Variants in ARL13B observed in about 807,000 individuals in gnomAD.
The protein encoded by ARL13B is ARF like GTPase 13B, also known as ADP-ribosylation factor-like protein 13B.
Under a neutral mutation model 56.1 loss-of-function variants are expected in ARL13B, and 36 were observed. The ratio of observed to expected loss-of-function variants is 0.64; its 90% CI spans 0.49 to 0.85. The LOEUF (loss-of-function observed/expected upper bound fraction) is 0.85, where lower values mean the gene tolerates loss of function less well. Among genes scored for constraint, ARL13B ranks in the 40% least tolerant of loss-of-function variants. ARL13B has a pLI of 0.00. For missense variants in ARL13B, 519 were observed against 507.1 expected (o/e 1.02, Z -0.23); for synonymous variants, 178 against 171.1 (o/e 1.04, Z -0.32).
At chr3:94,009,102 T>TAGAC (rs2076180975) in intron 3 of ARL13B, among the ~76,000 whole-genome samples, 1 of 151,708 alleles carries the variant, frequency 6.6e-6, no homozygotes, top group Non-Finnish European at 1.5e-5. Context: ...GATAGATAGA[T>TAGAC]AGATAGATAG....
Position 93,980,349 on chromosome 3 carries a change from A to T in ARL13B, c.-75A>T. On this transcript the variant is annotated 5_prime_UTR_variant, in exon 1 of 10. Transcript: ENST00000394222. The stretch of plus-strand genomic sequence containing the variant: ...CTTTAGGGGCGTCTCGGAGTGCCGG[A>T]GGCCCCCGGGGAAGAGCGGGGTGCC... The T allele has an allele frequency of 1.3e-6, 2 of 1,582,310 alleles. No individual in the cohort carries two copies. The highest frequency in any genetic ancestry group is 1.7e-6 in the Non-Finnish European group (2 of 1,160,646).
At chr3:94,039,569 G>A (rs1284728538) in intron 5 of ARL13B, among the ~76,000 whole-genome samples, 1 of 151,288 alleles carries the variant, frequency 6.6e-6, no homozygotes, top group Admixed American at 6.6e-5. Context: ...CATTGATTTT[G>A]GAGGGTAATT....
At chr3:94,003,634 T>G (rs751297985) in intron 2 of ARL13B, 25 bp from the exon 3 acceptor site, 2 of 1,609,482 alleles carry the variant, frequency 1.2e-6, no homozygotes, top group South Asian at 2.2e-5. Flanking sequence ...AAAGATTTTC[T>G]TTTTTTGTGT....
At position 94,005,680 on chromosome 3, in the gene ARL13B, T is replaced by C. The variant is rs139848772; in HGVS notation, c.380+1772T>C. ...GACAGTGTAATATGTTTATGAAATA[T>C]AGAATCGTTTGCCATTTGACCAGAT... On this transcript the variant is annotated intron_variant, in intron 3 of 9. Transcript: ENST00000394222. Among the ~76,000 whole-genome samples, 483 of 152,338 alleles carry C rather than the reference T, an allele frequency of 3.2e-3. 3 individuals are homozygous for C. The highest frequency in any genetic ancestry group is 0.011 in the African/African-American group (450 of 41,588).
intron 7 of ARL13B, among the ~76,000 whole-genome samples, chr3:94,047,022 TTTC>T (rs1402421455): frequency 6.6e-6 from 1 of 152,158 alleles, no homozygotes; most frequent in African/African-American, 2.4e-5. Flanking sequence ...TTAGTCTTAG[TTTC>T]TTCATCTCTA....
At chr3:93,992,975 T>TG (rs1242445171) in intron 1 of ARL13B, among the ~76,000 whole-genome samples, 1 of 150,882 alleles carries the variant, frequency 6.6e-6, no homozygotes, top group African/African-American at 2.4e-5. Flanking sequence ...GTATTTTTTT[T>TG]TTTTTTTTTT....
chr3:93,993,084 AATG>A (rs2075904799), intron 1 of ARL13B, among the ~76,000 whole-genome samples: 1 of 145,846 alleles, frequency 6.9e-6, no homozygotes, highest in South Asian at 2.2e-4. Context: ...AGATTACAGG[AATG>A]AACCACCAGG....
chr3:93,985,729 C>T (rs1710432473), intron 1 of ARL13B, among the ~76,000 whole-genome samples: 2 of 152,062 alleles, frequency 1.3e-5, no homozygotes, highest in South Asian at 4.1e-4. Flanking sequence ...AAACTTCCTG[C>T]CCCCTATTCA....
intron 7 of ARL13B, among the ~76,000 whole-genome samples, chr3:94,045,266 A>G (rs1280820106): frequency 3.3e-5 from 5 of 152,018 alleles, no homozygotes; most frequent in African/African-American, 1.2e-4. Flanking sequence ...AAGAGTCGTC[A>G]CCACTCCCTA....
intron 1 of ARL13B, among the ~76,000 whole-genome samples, chr3:93,995,641 A>G (rs2075953594): frequency 6.6e-6 from 1 of 152,102 alleles, no homozygotes. Context: ...TATCTATTGT[A>G]GAGTTTTACT....
intron 3 of ARL13B, among the ~76,000 whole-genome samples, chr3:94,032,139 T>C (rs1576019508): frequency 6.6e-6 from 1 of 152,164 alleles, no homozygotes; most frequent in Non-Finnish European, 1.5e-5. Flanking sequence ...GCCTGCAGAA[T>C]GAGGGAAAAT....
At position 94,014,474 on chromosome 3, in the gene ARL13B, C is replaced by G. The variant is rs375093166; in HGVS notation, c.380+10566C>G. 5.6e-6 allele frequency: 9 copies of G among 1,607,394 alleles called. 1 individual carries two copies. The highest frequency in any genetic ancestry group is 7.6e-6 in the Non-Finnish European group (9 of 1,178,270). On this transcript the variant is annotated intron_variant, in intron 3 of 9. Transcript: ENST00000394222. ...TATTTTACAGCTAGTCCAAATTTCT[C>G]TTTAGTATTGTTAACATACTCTTTT... is the stretch of plus-strand genomic sequence containing the variant.
intron 2 of ARL13B, among the ~76,000 whole-genome samples, chr3:94,000,848 G>C (rs765611019): frequency 7.9e-5 from 12 of 152,128 alleles, no homozygotes; most frequent in Non-Finnish European, 1.2e-4. Flanking sequence ...CTCAATTGGA[G>C]ACCATGTATC....
chr3:94,014,362 G>GA, intron 3 of ARL13B: 1 of 1,506,704 alleles, frequency 6.6e-7, no homozygotes, highest in East Asian at 2.3e-5. Context: ...CGTAAAGCTG[G>GA]AAAAAGTTTT....
At chr3:94,011,124 A>G (rs2076217538) in intron 3 of ARL13B, among the ~76,000 whole-genome samples, 1 of 152,148 alleles carries the variant, frequency 6.6e-6, no homozygotes, top group African/African-American at 2.4e-5. Context: ...TTATAAATTA[A>G]AAATTATTTT....
chr3:94,049,996 C>CAA lies in ARL13B; in HGVS notation c.1141+491_1141+492dup, dbSNP rs532785971. ...TGAAACCCCGTCTCTACTAAAGATA[C>CAA]AAAAAAAAAAAAAAAAAATTAGCTG... On this transcript the variant is annotated intron_variant, in intron 8 of 9. Coordinates refer to ENST00000394222, the MANE Select transcript of ARL13B (RefSeq NM_001174150.2). Among the ~76,000 whole-genome samples, 73 of 64,422 alleles carry CAA rather than the reference C, an allele frequency of 1.1e-3. 1 individual carries two copies. The highest frequency in any genetic ancestry group is 4.3e-3 in the East Asian group (12 of 2,798). The allele number at this position is 64,422 out of a possible 152,430, so 42.3% of individuals were successfully genotyped here.
Position 94,036,573 on chromosome 3 carries a change from G to A in ARL13B, c.508G>A (p.Gly170Arg). The change falls in exon 5 of 10, where the codon GGG becomes AGG. Residue 170 changes from glycine to arginine, a missense_variant. Gly to Arg is a moderately radical substitution (Grantham distance 125, BLOSUM62 -2). Coordinates refer to ENST00000394222, the MANE Select transcript of ARL13B (RefSeq NM_001174150.2). ...CQIEPCSAIS[G>R]YGKKIDKSIK... ...TTAGGAACCATGTTCAGCAATCTCG[G>A]GGTATGGAAAGAAAATTGACAAGTC... 6.2e-7 allele frequency: 1 copy of A among 1,613,908 alleles called. No homozygotes were observed. Among genetic ancestry groups the A allele is most frequent in the Non-Finnish European group, 8.5e-7 (1 of 1,179,982 alleles).
intron 3 of ARL13B, among the ~76,000 whole-genome samples, chr3:94,033,785 C>T (rs969239506): frequency 6.6e-6 from 1 of 152,144 alleles, no homozygotes; most frequent in Non-Finnish European, 1.5e-5. Flanking sequence ...ACAAGCACCA[C>T]CTACGAAGTA....
intron 4 of ARL13B, among the ~76,000 whole-genome samples, chr3:94,035,930 G>A (rs2076759708): frequency 6.6e-6 from 1 of 152,002 alleles, no homozygotes; most frequent in African/African-American, 2.4e-5. Context: ...AAACTAGCTG[G>A]GTGTGGTAGT....
Sources: gnomAD v4.1 joint callset for allele counts (sites outside exome capture counted in the v4.1 genomes callset) on GRCh38, gnomAD v4.1.1 for gene constraint, MANE v1.5 for transcripts, NCBI Gene and HGNC (gene_info 2026-07-23, HGNC 2026-07-21) for gene names.